Variants in GLDN observed in about 807,000 individuals in gnomAD.
GLDN encodes the protein gliomedin, also known as collomin.
Under a neutral mutation model 56.5 loss-of-function variants are expected in GLDN, and 47 were observed. The observed-to-expected ratio is 0.83, with a 90% CI of 0.66 to 1.06. GLDN has a LOEUF of 1.06. Ranked by LOEUF, GLDN falls within the 50% of genes least tolerant of loss-of-function variation. The probability of loss-of-function intolerance (pLI) is 0.00; values close to 1 mark genes in which losing one functional copy is unlikely to be tolerated. For missense variants in GLDN, 782 were observed against 714.3 expected (o/e 1.09, Z -1.08); for synonymous variants, 332 against 278.8 (o/e 1.19, Z -1.90).
At chr15:51,376,763 C>T (rs2037639778) in intron 1 of GLDN, among the ~76,000 whole-genome samples, 1 of 152,134 alleles carries the variant, frequency 6.6e-6, no homozygotes, top group African/African-American at 2.4e-5. Flanking sequence ...AATGAAGACA[C>T]AAACTCACAC....
chr15:51,404,613 T>C lies in GLDN; in HGVS notation c.1515T>C (p.Asn505=). The stretch of plus-strand genomic sequence containing the variant: ...ATTTGTTAGGAGGGAAACAGATCAA[T>C]GCAAACTTTGATTTAAGAACTTCCC... ...AFDLLGGKQI[N]ANFDLRTSQS... Residue 505 remains asparagine, a synonymous_variant, in exon 10 of 10, where the codon AAT becomes AAC. Coordinates refer to ENST00000335449, the MANE Select transcript of GLDN (RefSeq NM_181789.4). 6.2e-7 allele frequency: 1 copy of C among 1,614,046 alleles called. No individual in the cohort carries two copies.
At chr15:51,399,518 G>A (rs2038204862) in intron 6 of GLDN, among the ~76,000 whole-genome samples, 1 of 152,204 alleles carries the variant, frequency 6.6e-6, no homozygotes, top group Admixed American at 6.5e-5. Context: ...GATAACCTGA[G>A]GAGGATGAGT....
chr15:51,349,817 G>A (rs2037042864), intron 1 of GLDN, among the ~76,000 whole-genome samples: 1 of 151,246 alleles, frequency 6.6e-6, no homozygotes, highest in South Asian at 2.1e-4. Flanking sequence ...TTGGCTCACT[G>A]CAACCTCTGC....
chr15:51,347,493 T>C (rs1171454819), intron 1 of GLDN, among the ~76,000 whole-genome samples: 1 of 152,182 alleles, frequency 6.6e-6, no homozygotes, highest in East Asian at 1.9e-4. Context: ...TTCTTCTTCT[T>C]CCATTGTGGC....
rs750165951 is a variant in GLDN at position 51,404,420 on chromosome 15, G to GC, written c.1322_1323insC (p.Val442CysfsTer13). ...GGCCTTTGGATTATCTATGCGTCAA[G>GC]TGTGGACGGCTCGAGCATTCTTGTA... On this transcript the variant is annotated frameshift_variant, in exon 10 of 10. Coordinates refer to ENST00000335449, the MANE Select transcript of GLDN (RefSeq NM_181789.4). LOFTEE classifies it high-confidence loss of function. 6.2e-7 allele frequency: 1 copy of GC among 1,614,190 alleles called. No individual in the cohort carries two copies. The highest frequency in any genetic ancestry group is 1.3e-5 in the African/African-American group (1 of 75,040).
At chr15:51,370,525 C>A (rs898989249) in intron 1 of GLDN, among the ~76,000 whole-genome samples, 2 of 152,136 alleles carry the variant, frequency 1.3e-5, no homozygotes, top group Non-Finnish European at 2.9e-5. Context: ...CAACAGAGAT[C>A]TGTCCAAGTA....
rs746814257 is a variant in GLDN, at chr15:51,383,867, A to T, written c.516A>T (p.Gly172=). The part of the protein sequence containing the change: ...PGPQGPKGEK[G]ANGKRGKMGI... Reference sequence around the variant, plus strand: ...CTCAGGGCCCAAAAGGAGAAAAAGGAGCAAATGGAAAAAGAGGAAAAATGG... The same window carrying T: ...CTCAGGGCCCAAAAGGAGAAAAAGGTGCAAATGGAAAAAGAGGAAAAATGG... Residue 172 remains glycine (G), a synonymous_variant, in exon 4 of 10, where the codon GGA becomes GGT. Transcript: ENST00000335449. 1.9e-6 allele frequency: 3 copies of T among 1,611,626 alleles called. No individual in the cohort carries two copies. The Admixed American group carries it at 5.0e-5, about 27-fold the overall frequency.
At position 51,400,237 on chromosome 15, in the gene GLDN, CTGA is replaced by C. The variant is rs747520363; in HGVS notation, c.867_869del (p.Asp289del). ...AATGATGATACCTTGGTTGGAAAAG[CTGA>C]TGAGAAAGCCAGTGAACACCATTCC... On this transcript the variant is annotated inframe_deletion, in exon 7 of 10. Coordinates refer to ENST00000335449, the MANE Select transcript of GLDN (RefSeq NM_181789.4). 6.9e-5 allele frequency: 112 copies of C among 1,614,170 alleles called. No homozygotes were observed. The highest frequency in any genetic ancestry group is 4.1e-4 in the African/African-American group (31 of 75,030).
At chr15:51,353,572 G>C (rs576786478) in intron 1 of GLDN, among the ~76,000 whole-genome samples, 1 of 151,990 alleles carries the variant, frequency 6.6e-6, no homozygotes, top group Non-Finnish European at 1.5e-5. Context: ...TTGTATGCTG[G>C]CATTTGGAAA....
At chr15:51,369,357 T>C (rs1595815425) in intron 1 of GLDN, among the ~76,000 whole-genome samples, 1 of 152,240 alleles carries the variant, frequency 6.6e-6, no homozygotes, top group African/African-American at 2.4e-5. Flanking sequence ...GAATTTAAGT[T>C]ACAAAATAGA....
intron 1 of GLDN, among the ~76,000 whole-genome samples, chr15:51,371,082 T>G (rs892230370): frequency 1.3e-5 from 2 of 152,198 alleles, no homozygotes; most frequent in African/African-American, 4.8e-5. Flanking sequence ...TTGTTTGGTT[T>G]CATGAACCTC....
At chr15:51,345,836 G>C (rs2036968088) in intron 1 of GLDN, among the ~76,000 whole-genome samples, 2 of 152,158 alleles carry the variant, frequency 1.3e-5, no homozygotes, top group Non-Finnish European at 2.9e-5. Flanking sequence ...TATATACCTG[G>C]AAAATCTGTT....
intron 4 of GLDN, among the ~76,000 whole-genome samples, chr15:51,388,047 C>T (rs2037938887): frequency 6.6e-6 from 1 of 152,180 alleles, no homozygotes; most frequent in African/African-American, 2.4e-5. Context: ...GGGACTAGGA[C>T]ATAGTGGCCT....
intron 1 of GLDN, among the ~76,000 whole-genome samples, chr15:51,367,084 G>C (rs1395797208): frequency 6.6e-6 from 1 of 152,136 alleles, no homozygotes; most frequent in Non-Finnish European, 1.5e-5. Context: ...AGAGAGGCTG[G>C]GAACCTGTCC....
chr15:51,357,640 G>C (rs1230076095), intron 1 of GLDN, among the ~76,000 whole-genome samples: 1 of 152,178 alleles, frequency 6.6e-6, no homozygotes, highest in Non-Finnish European at 1.5e-5. Context: ...GAAAAGCCAA[G>C]GGCTGACTAG....
intron 1 of GLDN, among the ~76,000 whole-genome samples, chr15:51,345,342 G>A (rs150184944): frequency 6.6e-6 from 1 of 152,244 alleles, no homozygotes; most frequent in East Asian, 1.9e-4. Flanking sequence ...TGGTGATTAC[G>A]TATCCATGAT....
intron 1 of GLDN, among the ~76,000 whole-genome samples, chr15:51,360,972 A>G (rs1415251095): frequency 6.6e-6 from 1 of 152,250 alleles, no homozygotes; most frequent in Non-Finnish European, 1.5e-5. Flanking sequence ...ATTCCTCCCA[A>G]CATCAGACGA....
chr15:51,382,395 G>A (rs566110835), intron 2 of GLDN, among the ~76,000 whole-genome samples: 6 of 152,256 alleles, frequency 3.9e-5, no homozygotes, highest in African/African-American at 1.4e-4. Flanking sequence ...TAACTGCTTA[G>A]CAATGCTTGT....
Position 51,407,847 on chromosome 15 carries a change from T to C in GLDN, c.*3093T>C, listed in dbSNP as rs1315591704. ...GAAGGAGAAATGAGTGATAGGGCTT[T>C]GCGTTTTCATCCAGATGCTGTGGCC... On this transcript the variant is annotated 3_prime_UTR_variant, in exon 10 of 10. Transcript: ENST00000335449. 1 of 152,236 alleles carries C rather than the reference T, an allele frequency of 6.6e-6. No individual in the cohort carries two copies. Among genetic ancestry groups the C allele is most frequent in the Non-Finnish European group, 1.5e-5 (1 of 68,032 alleles). 9.4% of individuals were successfully genotyped at this position (152,236 alleles called of 1,614,324 possible).
Sources: gnomAD v4.1 joint callset for allele counts (sites outside exome capture counted in the v4.1 genomes callset) on GRCh38, gnomAD v4.1.1 for gene constraint, MANE v1.5 for transcripts, NCBI Gene and HGNC (gene_info 2026-07-23, HGNC 2026-07-21) for gene names.